Variants in GABRB3 observed in about 807,000 individuals in gnomAD.
GABRB3 encodes gamma-aminobutyric acid type A receptor subunit beta3, also known as gamma-aminobutyric acid receptor subunit beta-3.
Under a neutral mutation model 52.1 loss-of-function variants are expected in GABRB3, and 14 were observed. The observed-to-expected ratio is 0.27, with a 90% confidence interval of 0.18 to 0.42. The LOEUF (loss-of-function observed/expected upper bound fraction) is 0.42. GABRB3 is among the 10% of genes least tolerant of loss of function. GABRB3 has a pLI of 1.00. For synonymous variants in GABRB3, 260 were observed against 232.3 expected (o/e 1.12, Z -1.08); for missense variants, 307 against 609.1 (o/e 0.50, Z 5.22).
chr15:26,661,553 G>A (rs1018136730), intron 3 of GABRB3, among the ~76,000 whole-genome samples: 4 of 152,146 alleles, frequency 2.6e-5, no homozygotes, highest in African/African-American at 7.2e-5. Flanking sequence ...CTTGGGGAAC[G>A]CAGACAAAAG....
At chr15:26,755,202 T>C (rs1036704998) in intron 3 of GABRB3, among the ~76,000 whole-genome samples, 1 of 151,950 alleles carries the variant, frequency 6.6e-6, no homozygotes, top group African/African-American at 2.4e-5. Flanking sequence ...AGATGGGGTT[T>C]CACCATGTTG....
At chr15:26,629,169 C>A in intron 3 of GABRB3, 1 of 1,493,156 alleles carries the variant, frequency 6.7e-7, no homozygotes. Context: ...TGGGGAGAAG[C>A]AGCTCCCGGG....
chr15:26,598,194 A>G lies in GABRB3; in HGVS notation c.462-14780T>C, dbSNP rs913058788. 6.6e-5 allele frequency among the ~76,000 whole-genome samples: 10 copies of G among 150,840 alleles called. No individual in the cohort carries two copies. The East Asian group carries it at 1.2e-3, about 18-fold the overall frequency. On this transcript the variant is annotated intron_variant, in intron 4 of 8. Coordinates refer to ENST00000311550, the MANE Select transcript of GABRB3 (RefSeq NM_000814.6). ...AATAGTAGGGTATAACTGCATTATG[A>G]CTAGATCACAAGTTTTTTTTTTAAT...
At chr15:26,558,137 T>G (rs142501076) in intron 8 of GABRB3, among the ~76,000 whole-genome samples, 2 of 152,332 alleles carry the variant, frequency 1.3e-5, no homozygotes, top group African/African-American at 4.8e-5. Context: ...ATGACCAAAG[T>G]GTATTGTGTG....
chr15:26,683,161 G>A (rs565377050), intron 3 of GABRB3, among the ~76,000 whole-genome samples: 3 of 151,970 alleles, frequency 2.0e-5, no homozygotes, highest in Non-Finnish European at 4.4e-5. Flanking sequence ...GGTGTGATGC[G>A]GATTGTAAAC....
chr15:26,639,527 C>G (rs1187033251), intron 3 of GABRB3, among the ~76,000 whole-genome samples: 1 of 152,094 alleles, frequency 6.6e-6, no homozygotes, highest in Non-Finnish European at 1.5e-5. Flanking sequence ...AACACTACAT[C>G]ATTTTATATC....
chr15:26,620,234 A>G (rs1012750566), intron 4 of GABRB3, among the ~76,000 whole-genome samples: 7 of 152,170 alleles, frequency 4.6e-5, no homozygotes, highest in Admixed American at 3.9e-4. Flanking sequence ...TGTGCCACTT[A>G]ACACTAAAAA....
In GABRB3 at chr15:26,655,745, A is replaced by T. The variant is rs570257419; in HGVS notation, c.241-34211T>A. 1.5e-3 allele frequency among the ~76,000 whole-genome samples: 231 copies of T among 151,920 alleles called. 2 individuals are homozygous for T. The highest frequency in any genetic ancestry group is 5.3e-3 in the African/African-American group (220 of 41,458). ...TGACACAGCGAGACTCTGTCTCAAA[A>T]AAAAAAAAAAAACCCTCGGTTTCTG... On this transcript the variant is annotated intron_variant, in intron 3 of 8. Transcript: ENST00000311550.
chr15:26,728,049 C>G (rs1889818679), intron 3 of GABRB3, among the ~76,000 whole-genome samples: 1 of 152,136 alleles, frequency 6.6e-6, no homozygotes, highest in Non-Finnish European at 1.5e-5. Context: ...TTCAAAGTTA[C>G]CTACATTGAT....
At chr15:26,631,015 G>A (rs1337669361) in intron 3 of GABRB3, among the ~76,000 whole-genome samples, 4 of 152,190 alleles carry the variant, frequency 2.6e-5, no homozygotes, top group East Asian at 3.9e-4. Context: ...GGTGAGACAC[G>A]AGGACTAGCC....
At chr15:26,580,172 G>A in intron 6 of GABRB3, 147 bp downstream of exon 6, 3 of 945,172 alleles carry the variant, frequency 3.2e-6, no homozygotes, top group South Asian at 1.4e-5. Flanking sequence ...TAGATACAGA[G>A]AGGAGGGGTG....
At position 26,560,321 on chromosome 15, in the gene GABRB3, C is replaced by T. The variant is rs150779929; in HGVS notation, c.1080+611G>A. 1.8e-4 allele frequency among the ~76,000 whole-genome samples: 28 copies of T among 152,320 alleles called. No homozygotes were observed. The East Asian group carries it at 4.8e-3, about 26-fold the overall frequency. ...AACCATTAGGCCCTGTTACTCACTT[C>T]TGTAAGTGGAGAATTCAGAAAGGGC... On this transcript the variant is annotated intron_variant, in intron 8 of 8. Transcript: ENST00000311550.
chr15:26,670,297 G>A (rs1887851519), intron 3 of GABRB3, among the ~76,000 whole-genome samples: 1 of 152,172 alleles, frequency 6.6e-6, no homozygotes, highest in Admixed American at 6.5e-5. Flanking sequence ...GGGAAGAGGG[G>A]CCCGGGACAC....
intron 3 of GABRB3, among the ~76,000 whole-genome samples, chr15:26,721,123 T>A (rs924353019): frequency 5.3e-5 from 8 of 152,050 alleles, no homozygotes; most frequent in African/African-American, 1.9e-4. Context: ...GGCTGTGGGA[T>A]TGCAGGGAGT....
At position 26,629,282 on chromosome 15, in the gene GABRB3, C is replaced by T. The variant is rs142276904; in HGVS notation, c.241-7748G>A. 2,873 of 995,978 alleles carry T rather than the reference C, an allele frequency of 2.9e-3. 52 individuals are homozygous for T. In the African/African-American group the frequency reaches 0.042, roughly 14 times the overall value. The allele number at this position is 995,978 out of a possible 1,614,324, so 61.7% of individuals were successfully genotyped here. On this transcript the variant is annotated intron_variant, in intron 3 of 8. Transcript: ENST00000311550. ...GAGGGAGGAGGCGTGGTCTGTGGCT[C>T]GAGGGGCGTGGCCCGTAGCGGAAAA...
rs1015100002 is a variant in GABRB3, at chr15:26,543,745, G to A, written c.*4048C>T. ...ATGAGAATTGATTATGACAGCAATC[G>A]CCTATTCCTACTAGAATAATCCTGT... On this transcript the variant is annotated 3_prime_UTR_variant, in exon 9 of 9. Coordinates refer to ENST00000311550, the MANE Select transcript of GABRB3 (RefSeq NM_000814.6). The A allele has an allele frequency of 1.3e-5, 2 of 152,478 alleles. No individual in the cohort carries two copies. The highest frequency in any genetic ancestry group is 2.4e-5 in the African/African-American group (1 of 41,394). The allele number at this position is 152,478 out of a possible 1,614,324, so 9.4% of individuals were successfully genotyped here. A position where few individuals can be genotyped will look rare whatever the true frequency, so the allele number is the denominator to read the frequency against.
chr15:26,669,162 C>T (rs908133106), intron 3 of GABRB3, among the ~76,000 whole-genome samples: 3 of 152,148 alleles, frequency 2.0e-5, no homozygotes, highest in Non-Finnish European at 4.4e-5. Context: ...CTTTTCCCAC[C>T]TCTCAAACCC....
rs368757044 is a variant in GABRB3 at position 26,572,706 on chromosome 15, C to T, written c.683-4973G>A. On this transcript the variant is annotated intron_variant, in intron 6 of 8. Transcript: ENST00000311550. ...AAGTAATGAGTCAGCTGCACTAAGACATCCCTTTTAAAATGAAACAGAAGC... is the reference window on the plus strand; with the variant it reads ...AAGTAATGAGTCAGCTGCACTAAGATATCCCTTTTAAAATGAAACAGAAGC... Among the ~76,000 whole-genome samples, 23 of 152,322 alleles carry T rather than the reference C, an allele frequency of 1.5e-4. No homozygotes were observed. In the South Asian group the frequency reaches 4.3e-3, roughly 29 times the overall value.
chr15:26,699,323 T>A (rs1476513381), intron 3 of GABRB3, among the ~76,000 whole-genome samples: 3 of 152,100 alleles, frequency 2.0e-5, no homozygotes. Flanking sequence ...TGTTTCCAAG[T>A]AACGTAACTG....
Sources: gnomAD v4.1 joint callset for allele counts (sites outside exome capture counted in the v4.1 genomes callset) on GRCh38, gnomAD v4.1.1 for gene constraint, MANE v1.5 for transcripts, NCBI Gene and HGNC (gene_info 2026-07-23, HGNC 2026-07-21) for gene names.